Variants in EFHB observed in about 807,000 individuals in gnomAD.
The protein encoded by EFHB is EF-hand domain-containing family member B.
A neutral mutation model predicts 87.2 loss-of-function variants in EFHB; 91 were observed. The ratio of observed to expected loss-of-function variants is 1.04; its 90% confidence interval spans 0.88 to 1.24. The LOEUF is 1.24. Ranked by LOEUF, EFHB falls within the 50% of genes most tolerant of loss-of-function variation. The probability of loss-of-function intolerance (pLI) is 0.00; values close to 1 mark genes in which losing one functional copy is unlikely to be tolerated. For synonymous variants in EFHB, 325 were observed against 333.6 expected (o/e 0.97, Z 0.28); for missense variants, 1,084 against 998.8 (o/e 1.09, Z -1.15).
At chr3:19,897,635 A>G (rs551865497) in intron 8 of EFHB, among the ~76,000 whole-genome samples, 1 of 152,296 alleles carries the variant, frequency 6.6e-6, no homozygotes, top group Non-Finnish European at 1.5e-5. Flanking sequence ...GATCCAACAG[A>G]CAGCAAGACA....
At chr3:19,927,151 A>G (rs1695660116) in intron 1 of EFHB, among the ~76,000 whole-genome samples, 1 of 152,116 alleles carries the variant, frequency 6.6e-6, no homozygotes, top group African/African-American at 2.4e-5. Context: ...TCATTTACCA[A>G]TGCACTTTGT....
At chr3:19,887,226 C>CA (rs1302738823) in intron 10 of EFHB, among the ~76,000 whole-genome samples, 3 of 151,396 alleles carry the variant, frequency 2.0e-5, no homozygotes, top group Admixed American at 6.6e-5. Flanking sequence ...GCTAAAAATA[C>CA]AAAAAATTAG....
chr3:19,924,202 TTC>T (rs1226276720), intron 1 of EFHB, among the ~76,000 whole-genome samples: 4 of 152,014 alleles, frequency 2.6e-5, no homozygotes, highest in Non-Finnish European at 5.9e-5. Flanking sequence ...AAGTTTTCTT[TTC>T]TCTCTCTCTC....
At chr3:19,912,370 A>G (rs1358514218) in intron 5 of EFHB, among the ~76,000 whole-genome samples, 1 of 152,178 alleles carries the variant, frequency 6.6e-6, no homozygotes, top group African/African-American at 2.4e-5. Flanking sequence ...TCCTTCACAC[A>G]TGATGAAGAA....
chr3:19,897,840 A>T (rs1694540252), intron 8 of EFHB, among the ~76,000 whole-genome samples: 1 of 152,210 alleles, frequency 6.6e-6, no homozygotes, highest in Non-Finnish European at 1.5e-5. Context: ...CAATTTCCTA[A>T]TGTAGTAATT....
rs78572156 is a variant in EFHB, at chr3:19,884,653, A to T, written c.1934-38T>A. ...TAAATGAAAGAAAAAATGCAGGAAT[A>T]CATTACTACTTAGTGCTTGCTGCTC... On this transcript the variant is annotated intron_variant, in intron 10 of 12. Transcript: ENST00000295824. The T allele has an allele frequency of 3.2e-6, 5 of 1,578,338 alleles. No homozygotes were observed. In the East Asian group the frequency reaches 1.1e-4, roughly 35 times the overall value.
chr3:19,899,661 G>C (rs1398118569), intron 6 of EFHB, 146 bp from the exon 7 acceptor site: 2 of 471,748 alleles, frequency 4.2e-6, no homozygotes, highest in Non-Finnish European at 7.2e-6. Flanking sequence ...TAAAAAGAAA[G>C]TTTTATGTGT....
chr3:19,885,871 A>G (rs970922833), intron 10 of EFHB, among the ~76,000 whole-genome samples: 2 of 152,202 alleles, frequency 1.3e-5, no homozygotes, highest in Non-Finnish European at 2.9e-5. Context: ...GAATTTCTCA[A>G]AAAATTGGAA....
At chr3:19,938,522 A>G (rs1429497395), upstream of EFHB, among the ~76,000 whole-genome samples, 1 of 152,198 alleles carries the variant, frequency 6.6e-6, no homozygotes, top group East Asian at 1.9e-4. Flanking sequence ...TGGTAGATAT[A>G]TGGGTGTTCA....
intron 12 of EFHB, among the ~76,000 whole-genome samples, chr3:19,880,786 A>G (rs1244303822): frequency 6.6e-6 from 1 of 152,188 alleles, no homozygotes; most frequent in African/African-American, 2.4e-5. Context: ...AGAAAAATAT[A>G]GGAAAGGAAA....
At position 19,917,411 on chromosome 3, in the gene EFHB, C is replaced by T. The variant is rs80009023; in HGVS notation, c.1177+821G>A. ...TCTATCTTCAGAGTAGATGTCACTA[C>T]CTTAAGGAAAATAATCTAATGAGCC... On this transcript the variant is annotated intron_variant, in intron 4 of 12. Transcript: ENST00000295824. Among the ~76,000 whole-genome samples the T allele has an allele frequency of 9.7e-3, 1,471 of 152,028 alleles. 27 individuals are homozygous for T. The highest frequency in any genetic ancestry group is 0.033 in the African/African-American group (1,385 of 41,432).
chr3:19,879,936 AT>A, intron 12 of EFHB, 132 bp from the exon 13 acceptor site: 1 of 786,958 alleles, frequency 1.3e-6, no homozygotes. Flanking sequence ...GTGTGTATGT[AT>A]TTGTGTGTGT....
chr3:19,918,344 A>G lies in EFHB; in HGVS notation c.1065T>C (p.Ser355=), dbSNP rs1465002648. ...FQQKIKDKKE[S]IYLSNRRAPL... ...GTGCTCGTCGATTGCTAAGATATAT[A>G]GATTCTTTTTTATCTTTAATTTTCT... Residue 355 remains serine (S), a synonymous_variant, in exon 4 of 13, where the codon TCT becomes TCC. Coordinates refer to ENST00000295824, the MANE Select transcript of EFHB (RefSeq NM_144715.4). 6.2e-7 allele frequency: 1 copy of G among 1,612,272 alleles called. No individual in the cohort carries two copies. Among genetic ancestry groups the G allele is most frequent in the African/African-American group, 1.3e-5 (1 of 74,806 alleles).
chr3:19,923,747 T>C (rs1305009299), intron 1 of EFHB, among the ~76,000 whole-genome samples: 3 of 152,088 alleles, frequency 2.0e-5, no homozygotes, highest in Admixed American at 1.3e-4. Context: ...ATAAAAAACA[T>C]ACACAAACAT....
intron 5 of EFHB, among the ~76,000 whole-genome samples, chr3:19,908,290 T>TAGG (rs1269072768): frequency 2.6e-5 from 4 of 152,210 alleles, no homozygotes; most frequent in African/African-American, 9.6e-5. Flanking sequence ...CCTAGCACTT[T>TAGG]AGGAGGCCAA....
At chr3:19,936,214 G>A (rs558296117), upstream of EFHB, 89 of 911,174 alleles carry the variant, frequency 9.8e-5, 2 homozygotes, top group South Asian at 1.2e-3. Flanking sequence ...GCCCAGCGTG[G>A]TGGCTCACAT....
intron 5 of EFHB, among the ~76,000 whole-genome samples, chr3:19,908,624 GAAA>G (rs1382580460): frequency 6.7e-6 from 1 of 150,176 alleles, no homozygotes; most frequent in African/African-American, 2.5e-5. Flanking sequence ...AAGAAAGAAA[GAAA>G]GAAAGAAAGA....
intron 1 of EFHB, chr3:19,942,986 C>G (rs1228309335): frequency 3.6e-6 from 1 of 275,164 alleles, no homozygotes; most frequent in East Asian, 9.7e-5. Context: ...TTTTATCTCT[C>G]CCTTGTATTC....
intron 5 of EFHB, among the ~76,000 whole-genome samples, chr3:19,907,017 C>T (rs1448128786): frequency 1.3e-5 from 2 of 150,684 alleles, no homozygotes; most frequent in African/African-American, 4.9e-5. Context: ...CATGCAACAC[C>T]ATACACAAAA....
Sources: allele counts gnomAD v4.1 joint callset (sites outside exome capture counted in the v4.1 genomes callset), GRCh38; gene constraint gnomAD v4.1.1; transcripts MANE v1.5; gene names NCBI Gene and HGNC (gene_info 2026-07-23, HGNC 2026-07-21).